The following VWF variants were observed in gnomAD, a reference collection of about 807,000 sequenced individuals.
The protein encoded by VWF is Factor VIII related antigen.
In VWF, 176 loss-of-function variants were observed where a neutral mutation model predicts 308.6. The ratio of observed to expected loss-of-function variants is 0.57; its 90% CI spans 0.50 to 0.65. The LOEUF is 0.65. Ranked by LOEUF, VWF falls within the 30% of genes least tolerant of loss-of-function variation. The pLI, the probability that VWF is intolerant of heterozygous loss-of-function variation, is 0.00. For synonymous variants in VWF, 1,385 were observed against 1,443.4 expected, an observed-to-expected ratio of 0.96 and a Z score of 0.92; for missense variants, 3,146 against 3,648.2, an observed-to-expected ratio of 0.86 and a Z score of 3.55.
intron 13 of VWF, among the ~76,000 whole-genome samples, chr12:6,062,327 C>T (rs1179599584): frequency 1.3e-5 from 2 of 152,032 alleles, no homozygotes; most frequent in Non-Finnish European, 2.9e-5. Context: ...CCTGGAAGTT[C>T]TGGAGTGCTG....
Position 6,040,105 on chromosome 12 carries a change from G to T in VWF, c.2443-3614C>A, listed in dbSNP as rs577882582. On this transcript the variant is annotated intron_variant, in intron 18 of 51. Transcript: ENST00000261405. ...GGGGCTGACATAATGGGACCTCAGG[G>T]TTTCTTCTTCTCTGCCCTCTACGAT... 3.3e-5 allele frequency among the ~76,000 whole-genome samples: 5 copies of T among 152,258 alleles called. No individual in the cohort carries two copies. In the East Asian group the frequency reaches 9.7e-4, roughly 29 times the overall value.
intron 48 of VWF, 32 bp downstream of exon 48, chr12:5,953,464 G>A (rs377503693): frequency 6.3e-7 from 1 of 1,589,598 alleles, no homozygotes; most frequent in African/African-American, 1.3e-5. Flanking sequence ...ATGGTGATAT[G>A]TGAGGGAGCC....
In VWF at chr12:5,991,976, T is replaced by G. The variant is rs553943046; in HGVS notation, c.6641A>C (p.His2214Pro). 1 of 1,614,208 alleles carries G rather than the reference T, an allele frequency of 6.2e-7. No homozygotes were observed. The highest frequency in any genetic ancestry group is 1.3e-5 in the African/African-American group (1 of 75,050). Residue 2214 changes from histidine to proline, a missense_variant, in exon 38 of 52, where the codon CAT becomes CCT. Transcript: ENST00000261405. ...GCCATCACAGTGCCGGGGACAGCCA[T>G]GCTCACAGTGGTTGTAGACCAGAGA... ...PPSLVYNHCE[H>P]GCPRHCDGNV... is the part of the protein sequence containing the mutation.
chr12:6,051,748 T>TACAGGTATGCACCACCATGGCCA (rs1944516061), intron 16 of VWF, among the ~76,000 whole-genome samples: 1 of 152,212 alleles, frequency 6.6e-6, no homozygotes, highest in Non-Finnish European at 1.5e-5. Flanking sequence ...TGGCTGGGTC[T>TACAGGTATGCACCACCATGGCCA]ACAGGTATGC....
At chr12:6,108,308 A>C (rs1456247456) in intron 5 of VWF, among the ~76,000 whole-genome samples, 3 of 127,198 alleles carry the variant, frequency 2.4e-5, no homozygotes, top group African/African-American at 9.3e-5. Context: ...AAAAAAAAAA[A>C]AGAAAGAAAG....
intron 38 of VWF, among the ~76,000 whole-genome samples, chr12:5,986,020 C>T (rs1943676699): frequency 6.6e-6 from 1 of 152,150 alleles, no homozygotes; most frequent in Non-Finnish European, 1.5e-5. Context: ...GGAAAAAAAT[C>T]CATTTATTTC....
chr12:5,974,335 A>G (rs977698377), intron 43 of VWF, among the ~76,000 whole-genome samples: 4 of 152,126 alleles, frequency 2.6e-5, no homozygotes, highest in African/African-American at 7.2e-5. Flanking sequence ...TTCAGCCTCT[A>G]AGACAGGGCA....
At chr12:6,057,126 G>A in intron 14 of VWF, 54 bp from the exon 15 acceptor site, 7 of 1,450,456 alleles carry the variant, frequency 4.8e-6, no homozygotes, top group South Asian at 1.3e-5. Context: ...TGGGGGCCAC[G>A]CCCTCCCGGT....
chr12:6,012,048 C>T (rs1413427434), intron 33 of VWF, 39 bp downstream of exon 33: 1 of 1,611,156 alleles, frequency 6.2e-7, no homozygotes, highest in Non-Finnish European at 8.5e-7. Flanking sequence ...CCAAACACAT[C>T]TCTAACCTTT....
chr12:6,025,469 A>G, intron 24 of VWF, 111 bp downstream of exon 24: 1 of 885,188 alleles, frequency 1.1e-6, no homozygotes, highest in South Asian at 1.4e-5. Flanking sequence ...CTTGGTGCAG[A>G]TCATGTCAAG....
rs112725624 is a variant in VWF, at chr12:5,962,829, G to A, written c.7887+4657C>T. On this transcript the variant is annotated intron_variant, in intron 47 of 51. Coordinates refer to ENST00000261405, the MANE Select transcript of VWF (RefSeq NM_000552.5). ...CTCCCAAAGTGCTGGGATTACAGGC[G>A]TGAGCCAGCACGCCCGGCCAGCAAT... Among the ~76,000 whole-genome samples the A allele has an allele frequency of 4.5e-3, 684 of 152,236 alleles. 1 individual carries two copies. Among genetic ancestry groups the A allele is most frequent in the Middle Eastern group, 0.01 (3 of 292 alleles).
chr12:6,072,598 A>G (rs1944794079), intron 8 of VWF, among the ~76,000 whole-genome samples, 156 bp from the exon 9 acceptor site: 1 of 152,180 alleles, frequency 6.6e-6, no homozygotes, highest in Non-Finnish European at 1.5e-5. Flanking sequence ...CAATATAAGG[A>G]AGGGAAATTC....
intron 6 of VWF, among the ~76,000 whole-genome samples, chr12:6,078,236 G>A (rs769966895): frequency 4.6e-5 from 7 of 152,156 alleles, no homozygotes; most frequent in African/African-American, 9.7e-5. Context: ...AGTATCTTGC[G>A]TGCTCCTTAG....
At chr12:5,951,268 T>G (rs986210151) in intron 50 of VWF, among the ~76,000 whole-genome samples, 1 of 152,024 alleles carries the variant, frequency 6.6e-6, no homozygotes, top group African/African-American at 2.4e-5. Flanking sequence ...AACCAATCAG[T>G]AGGACATAAC....
At chr12:6,076,692 T>A (rs1331455128) in intron 6 of VWF, among the ~76,000 whole-genome samples, 2 of 152,116 alleles carry the variant, frequency 1.3e-5, no homozygotes, top group Non-Finnish European at 2.9e-5. Context: ...AGTTGGTATT[T>A]GGGAAAGGGG....
chr12:6,059,808 C>T (rs1944633958), intron 13 of VWF, among the ~76,000 whole-genome samples: 1 of 152,210 alleles, frequency 6.6e-6, no homozygotes, highest in African/African-American at 2.4e-5. Flanking sequence ...ATGAATGAAT[C>T]GTTGAACAAA....
chr12:6,103,477 TATATACATATATGTGTATACACACAC>T (rs1945203363), intron 5 of VWF, among the ~76,000 whole-genome samples: 1 of 105,482 alleles, frequency 9.5e-6, no homozygotes, highest in Admixed American at 8.2e-5. Flanking sequence ...CATATGTGTG[TATATACATATATGTGTATACACACAC>T]GTATATATAT....
In VWF at chr12:6,057,846, T is replaced by G. The variant is rs2136455692; in HGVS notation, c.1729+3A>C. 6.2e-7 allele frequency: 1 copy of G among 1,602,802 alleles called. No homozygotes were observed. Among genetic ancestry groups the G allele is most frequent in the South Asian group, 1.1e-5 (1 of 89,990 alleles). On this transcript the variant is annotated splice_donor_region_variant and intron_variant, in intron 14 of 51. Coordinates refer to ENST00000261405, the MANE Select transcript of VWF (RefSeq NM_000552.5). Reference sequence around the variant, plus strand: ...TCCCTGCCTTGCCCCCGGGTTCACATACTCATGCGCGGGTTGAGGGCGCAG... The same window carrying G: ...TCCCTGCCTTGCCCCCGGGTTCACAGACTCATGCGCGGGTTGAGGGCGCAG...
At chr12:5,997,729 G>A (rs1472138787) in intron 34 of VWF, among the ~76,000 whole-genome samples, 1 of 152,152 alleles carries the variant, frequency 6.6e-6, no homozygotes, top group Non-Finnish European at 1.5e-5. Flanking sequence ...TTGCTGTATT[G>A]TAGGTATAGT....
Sources: allele counts gnomAD v4.1 joint callset (sites outside exome capture counted in the v4.1 genomes callset), GRCh38; gene constraint gnomAD v4.1.1; transcripts MANE v1.5; gene names NCBI Gene and HGNC (gene_info 2026-07-23, HGNC 2026-07-21).